The following ULK4 variants were observed in gnomAD, a reference collection of about 807,000 sequenced individuals.
The protein encoded by ULK4 is inactive serine/threonine-protein kinase ULK4.
Under a neutral mutation model 160.6 loss-of-function variants are expected in ULK4, and 133 were observed. The observed-to-expected ratio is 0.83, with a 90% CI of 0.72 to 0.96. ULK4 has a LOEUF of 0.96. Ranked by LOEUF, ULK4 falls within the 40% of genes least tolerant of loss-of-function variation. The probability of loss-of-function intolerance (pLI) is 0.00; values close to 1 mark genes in which losing one functional copy is unlikely to be tolerated. For missense variants in ULK4, 1,580 were observed against 1,499.5 expected (o/e 1.05, Z -0.89); for synonymous variants, 534 against 539.8 (o/e 0.99, Z 0.15).
intron 22 of ULK4, among the ~76,000 whole-genome samples, chr3:41,743,096 G>A (rs1437468950): frequency 6.6e-6 from 1 of 151,736 alleles, no homozygotes; most frequent in Admixed American, 6.6e-5. Flanking sequence ...TTCAGCAGAA[G>A]ACATAAATCT....
intron 19 of ULK4, among the ~76,000 whole-genome samples, chr3:41,805,298 G>A (rs962620926): frequency 1.4e-3 from 220 of 152,164 alleles, no homozygotes; most frequent in African/African-American, 5.0e-3. Flanking sequence ...TGTTATTGGT[G>A]TATAAGAATG....
At chr3:41,932,596 T>C (rs1261099018) in intron 4 of ULK4, among the ~76,000 whole-genome samples, 1 of 152,240 alleles carries the variant, frequency 6.6e-6, no homozygotes, top group Non-Finnish European at 1.5e-5. Context: ...CACTGGCATG[T>C]GACAAGTGCT....
intron 22 of ULK4, among the ~76,000 whole-genome samples, chr3:41,733,725 ATTTTTTTT>A (rs778572755): frequency 2.1e-5 from 2 of 93,620 alleles, no homozygotes; most frequent in Non-Finnish European, 3.8e-5. Context: ...TAAACACATG[ATTTTTTTT>A]TTTTTTTTTT....
chr3:41,658,731 A>ACACACACACACACACTCT (rs1553628711), intron 30 of ULK4, among the ~76,000 whole-genome samples: 7 of 135,150 alleles, frequency 5.2e-5, no homozygotes, highest in African/African-American at 1.9e-4. Context: ...AAAACAGTAC[A>ACACACACACACACACTCT]CACACACACA....
intron 32 of ULK4, among the ~76,000 whole-genome samples, chr3:41,481,087 T>C (rs1442279257): frequency 6.6e-6 from 1 of 152,200 alleles, no homozygotes; most frequent in Non-Finnish European, 1.5e-5. Context: ...TTTTATGTTA[T>C]CAGTAAGGCT....
In ULK4 at chr3:41,907,959, G is replaced by C; in HGVS notation, c.1086-18C>G. 6.5e-7 allele frequency: 1 copy of C among 1,550,050 alleles called. No homozygotes were observed. Among genetic ancestry groups the C allele is most frequent in the African/African-American group, 1.4e-5 (1 of 72,494 alleles). ...GACGAGAACTGAAAAATACAAACCA[G>C]TTAACATTATTCAATTCCAGACAGT... On this transcript the variant is annotated intron_variant, in intron 11 of 36. Coordinates refer to ENST00000301831, the MANE Select transcript of ULK4 (RefSeq NM_017886.4).
intron 32 of ULK4, among the ~76,000 whole-genome samples, chr3:41,536,820 C>A (rs371191423): frequency 6.6e-6 from 1 of 151,562 alleles, no homozygotes; most frequent in African/African-American, 2.4e-5. Context: ...GAGAGGCAGG[C>A]ACACTCAGTG....
intron 27 of ULK4, among the ~76,000 whole-genome samples, chr3:41,685,043 T>A (rs75914604): frequency 4.1e-4 from 63 of 152,208 alleles, no homozygotes; most frequent in African/African-American, 1.4e-3. Flanking sequence ...AATGGCTGCC[T>A]GGGTTCAATA....
chr3:41,440,320 T>A (rs1271628866), intron 34 of ULK4, among the ~76,000 whole-genome samples: 1 of 152,182 alleles, frequency 6.6e-6, no homozygotes, highest in African/African-American at 2.4e-5. Context: ...TTAAGTATAA[T>A]GCTAACTGTA....
chr3:41,847,306 T>C (rs941972425), intron 17 of ULK4, among the ~76,000 whole-genome samples: 10 of 152,238 alleles, frequency 6.6e-5, no homozygotes, highest in African/African-American at 1.7e-4. Context: ...ATTCTAATAC[T>C]TGCAAAGACA....
At chr3:41,678,187 C>CAA (rs386396447) in intron 29 of ULK4, among the ~76,000 whole-genome samples, 11 of 145,126 alleles carry the variant, frequency 7.6e-5, no homozygotes, top group Admixed American at 2.0e-4. Context: ...TACACACACA[C>CAA]ACACACACAC....
At chr3:41,580,789 G>A (rs1164981656) in intron 31 of ULK4, among the ~76,000 whole-genome samples, 3 of 152,120 alleles carry the variant, frequency 2.0e-5, no homozygotes, top group Admixed American at 6.5e-5. Context: ...CAAGGATGCC[G>A]GGAGAGAAGT....
intron 27 of ULK4, among the ~76,000 whole-genome samples, chr3:41,682,534 C>G (rs1168600785): frequency 6.6e-6 from 1 of 152,218 alleles, no homozygotes; most frequent in Non-Finnish European, 1.5e-5. Context: ...CTGTGCACAG[C>G]CAAACGACAT....
chr3:41,491,737 A>C (rs1044942950), intron 32 of ULK4, among the ~76,000 whole-genome samples: 4 of 151,708 alleles, frequency 2.6e-5, no homozygotes, highest in Non-Finnish European at 5.9e-5. Flanking sequence ...TATTTCTTTT[A>C]ATTATTATTA....
chr3:41,555,526 T>C (rs761194797), intron 32 of ULK4, among the ~76,000 whole-genome samples: 1 of 152,048 alleles, frequency 6.6e-6, no homozygotes, highest in Non-Finnish European at 1.5e-5. Flanking sequence ...AAATAAGAGA[T>C]GCTAGCAAGG....
At chr3:41,645,901 G>T (rs900901562) in intron 30 of ULK4, among the ~76,000 whole-genome samples, 1 of 152,168 alleles carries the variant, frequency 6.6e-6, no homozygotes, top group Non-Finnish European at 1.5e-5. Flanking sequence ...ATATATTTAG[G>T]ATAGTTAGCT....
intron 27 of ULK4, 96 bp from the exon 28 acceptor site, chr3:41,681,900 A>C: frequency 7.2e-7 from 1 of 1,380,412 alleles, no homozygotes; most frequent in Non-Finnish European, 1.0e-6. Context: ...ATCCCTAATC[A>C]AAGGAGTGAA....
chr3:41,921,448 A>T (rs906730541), intron 5 of ULK4, among the ~76,000 whole-genome samples: 4 of 150,892 alleles, frequency 2.7e-5, no homozygotes, highest in East Asian at 3.9e-4. Flanking sequence ...CGTCTCTCAT[A>T]AAAAAAAATA....
intron 35 of ULK4, among the ~76,000 whole-genome samples, chr3:41,347,297 T>C (rs751386669): frequency 1.3e-5 from 2 of 152,342 alleles, no homozygotes; most frequent in Non-Finnish European, 2.9e-5. Context: ...TGAAATGTCT[T>C]TTCATTTTTG....
Sources: allele counts gnomAD v4.1 joint callset (sites outside exome capture counted in the v4.1 genomes callset), GRCh38; gene constraint gnomAD v4.1.1; transcripts MANE v1.5; gene names NCBI Gene and HGNC (gene_info 2026-07-23, HGNC 2026-07-21).